ASH1L: variants seen among roughly 807,000 people sequenced by gnomAD.
ASH1L encodes the protein ASH1 like histone lysine methyltransferase, also known as histone-lysine N-methyltransferase ASH1L.
Under a neutral mutation model 269.0 loss-of-function variants are expected in ASH1L, and 23 were observed. That is an observed-to-expected ratio of 0.09 (90% CI 0.06 to 0.12). The LOEUF (loss-of-function observed/expected upper bound fraction) is 0.12. Among genes scored for constraint, ASH1L ranks in the 10% least tolerant of loss-of-function variants. ASH1L has a pLI of 1.00. For synonymous variants in ASH1L, 1,187 were observed against 1,253.5 expected (o/e 0.95, Z 1.12); for missense variants, 2,912 against 3,567.8 (o/e 0.82, Z 4.68).
At chr1:155,490,614 T>TCACACACACACACACACACACACACA (rs144278501) in intron 2 of ASH1L, among the ~76,000 whole-genome samples, 1 of 142,310 alleles carries the variant, frequency 7.0e-6, no homozygotes, top group African/African-American at 2.7e-5. Flanking sequence ...CCAGACTACG[T>TCACACACACACACACACACACACACA]CACACACACA....
At position 155,545,175 on chromosome 1, in the gene ASH1L, C is replaced by CAAAAAAAAAA. The variant is rs10624841; in HGVS notation, c.-100+16968_-100+16977dup. The stretch of plus-strand genomic sequence containing the variant: ...CAAGAAGAGCAAAACTCCATCTCAC[C>CAAAAAAAAAA]AAAAAAAAAAAAAAAAAAAAAAAAA... On this transcript the variant is annotated intron_variant, in intron 1 of 27. Coordinates refer to ENST00000392403, the MANE Select transcript of ASH1L (RefSeq NM_018489.3). 1.9e-3 allele frequency among the ~76,000 whole-genome samples: 41 copies of CAAAAAAAAAA among 21,782 alleles called. 7 individuals carry two copies. Among genetic ancestry groups the CAAAAAAAAAA allele is most frequent in the African/African-American group, 4.1e-3 (19 of 4,638 alleles). The allele number at this position is 21,782 out of a possible 152,430, so 14.3% of individuals were successfully genotyped here. A position where few individuals can be genotyped will look rare whatever the true frequency, so the allele number is the denominator to read the frequency against.
intron 6 of ASH1L, among the ~76,000 whole-genome samples, chr1:155,411,586 A>AATAAATAAAT (rs1297131961): frequency 2.2e-3 from 121 of 55,148 alleles, no homozygotes; most frequent in Middle Eastern, 0.022. Flanking sequence ...TAAATAAATA[A>AATAAATAAAT]ATATATATAT....
intron 5 of ASH1L, 63 bp from the exon 6 acceptor site, chr1:155,415,986 C>T: frequency 8.0e-7 from 1 of 1,249,190 alleles, no homozygotes; most frequent in Non-Finnish European, 1.1e-6. Flanking sequence ...AAATAATTGT[C>T]TACTTAAAAA....
intron 1 of ASH1L, among the ~76,000 whole-genome samples, chr1:155,522,680 T>C (rs1047538139): frequency 1.3e-5 from 2 of 151,562 alleles, no homozygotes; most frequent in African/African-American, 4.9e-5. Flanking sequence ...TTAGGGAGAT[T>C]AGTGAATTTT....
intron 1 of ASH1L, among the ~76,000 whole-genome samples, chr1:155,549,930 AGTT>A (rs1353457683): frequency 2.6e-5 from 4 of 152,060 alleles, no homozygotes; most frequent in Non-Finnish European, 5.9e-5. Context: ...ACCATCAGCA[AGTT>A]ATTATCTCCA....
intron 2 of ASH1L, among the ~76,000 whole-genome samples, chr1:155,490,531 T>C (rs550661803): frequency 6.0e-5 from 9 of 151,050 alleles, no homozygotes; most frequent in East Asian, 2.0e-4. Flanking sequence ...TGAGGCAGAA[T>C]TGCTTGAACC....
chr1:155,369,862 C>T (rs916738685), intron 12 of ASH1L, among the ~76,000 whole-genome samples: 3 of 152,072 alleles, frequency 2.0e-5, no homozygotes, highest in Non-Finnish European at 2.9e-5. Flanking sequence ...CTCGGCCTCC[C>T]GGGTTCAAGT....
In ASH1L at chr1:155,438,515, G is replaced by A. The variant is rs762380667; in HGVS notation, c.5640C>T (p.Asp1880=). The part of the protein sequence containing the change: ...AQFVNPELNR[D]EEGAALHLSP... ...TGAGGTGCAGTGCTGCTCCTTCCTC[G>A]TCTCTGTTCAATTCTGGGTTGACAA... Residue 1880 remains aspartate, a synonymous_variant, in exon 5 of 28, where the codon GAC becomes GAT. Transcript: ENST00000392403. 2.9e-5 allele frequency: 47 copies of A among 1,612,864 alleles called. No individual in the cohort carries two copies. The highest frequency in any genetic ancestry group is 8.4e-5 in the Admixed American group (5 of 59,770).
chr1:155,392,420 G>A (rs1558058286), intron 7 of ASH1L, among the ~76,000 whole-genome samples: 1 of 152,124 alleles, frequency 6.6e-6, no homozygotes, highest in South Asian at 2.1e-4. Context: ...GTTTGTGCCT[G>A]CTTTTGGTTG....
chr1:155,388,715 CTTTT>C (rs142537672), intron 7 of ASH1L, among the ~76,000 whole-genome samples: 1 of 131,694 alleles, frequency 7.6e-6, no homozygotes, highest in African/African-American at 3.0e-5. Flanking sequence ...AATTGCGATT[CTTTT>C]TTTTTTTTTT....
At chr1:155,413,215 A>G (rs565356653) in intron 6 of ASH1L, among the ~76,000 whole-genome samples, 1 of 152,116 alleles carries the variant, frequency 6.6e-6, no homozygotes, top group African/African-American at 2.4e-5. Context: ...TAGAGTAATG[A>G]CCATTATTTC....
chr1:155,426,914 C>T (rs370233576), intron 5 of ASH1L, among the ~76,000 whole-genome samples: 3 of 152,068 alleles, frequency 2.0e-5, no homozygotes, highest in Non-Finnish European at 2.9e-5. Context: ...AATCCAATTT[C>T]CTTCTGATCC....
At chr1:155,532,965 G>GA (rs142766650) in intron 1 of ASH1L, among the ~76,000 whole-genome samples, 19 of 142,070 alleles carry the variant, frequency 1.3e-4, no homozygotes, top group African/African-American at 2.4e-4. Context: ...ATATATGGGG[G>GA]GAGAGAGAGA....
intron 1 of ASH1L, among the ~76,000 whole-genome samples, chr1:155,539,451 A>ATATG (rs141491581): frequency 6.7e-6 from 1 of 148,598 alleles, no homozygotes. Context: ...TTATATATAT[A>ATATG]TATATATTTT....
intron 5 of ASH1L, among the ~76,000 whole-genome samples, chr1:155,420,568 A>G (rs916414422): frequency 6.6e-6 from 1 of 151,388 alleles, no homozygotes; most frequent in African/African-American, 2.4e-5. Context: ...AAAAAAAAAA[A>G]GGCCAGGTGT....
chr1:155,467,033 G>A (rs1465380130), intron 3 of ASH1L, among the ~76,000 whole-genome samples: 3 of 151,974 alleles, frequency 2.0e-5, no homozygotes, highest in Non-Finnish European at 4.4e-5. Context: ...ACCAAATAAT[G>A]TATATAATTT....
chr1:155,558,341 C>T (rs555818825), intron 1 of ASH1L, among the ~76,000 whole-genome samples: 57 of 152,156 alleles, frequency 3.7e-4, no homozygotes, highest in African/African-American at 1.3e-3. Context: ...CGTGGTGGCA[C>T]ACACCTGTAA....
chr1:155,359,880 C>T (rs1306722767), intron 13 of ASH1L, among the ~76,000 whole-genome samples: 1 of 151,872 alleles, frequency 6.6e-6, no homozygotes, highest in Non-Finnish European at 1.5e-5. Context: ...CGCCTGACCT[C>T]CCATATACTT....
rs59074644 is a variant in ASH1L, at chr1:155,558,612, T to C, written c.-100+3541A>G. 6.1e-3 allele frequency among the ~76,000 whole-genome samples: 933 copies of C among 152,280 alleles called. 10 individuals are homozygous for C. Among genetic ancestry groups the C allele is most frequent in the African/African-American group, 0.022 (909 of 41,560 alleles). On this transcript the variant is annotated intron_variant, in intron 1 of 27. Transcript: ENST00000392403. The stretch of plus-strand genomic sequence containing the variant: ...AGGCTGGAGTGCAGTAGCACCACCA[T>C]AGCTCACAGCAGCTTCCAACTCCTG...
Sources: gnomAD v4.1 joint callset for allele counts (sites outside exome capture counted in the v4.1 genomes callset) on GRCh38, gnomAD v4.1.1 for gene constraint, MANE v1.5 for transcripts, NCBI Gene and HGNC (gene_info 2026-07-23, HGNC 2026-07-21) for gene names.